The following ABTB2 variants were observed in gnomAD, a reference collection of about 807,000 sequenced individuals.
The protein encoded by ABTB2 is ankyrin repeat and BTB domain containing 2.
In ABTB2, 56 loss-of-function variants were observed where a neutral mutation model predicts 104.1. The ratio of observed to expected loss-of-function variants is 0.54; its 90% confidence interval spans 0.43 to 0.67. The LOEUF is 0.67. Ranked by LOEUF, ABTB2 falls within the 30% of genes least tolerant of loss-of-function variation. The probability of loss-of-function intolerance (pLI) is 0.00; values close to 1 mark genes in which losing one functional copy is unlikely to be tolerated. For synonymous variants in ABTB2, 606 were observed against 608.2 expected (o/e 1.00, Z 0.05); for missense variants, 1,279 against 1,407.7 (o/e 0.91, Z 1.46).
At chr11:34,331,739 G>A (rs936886290) in intron 1 of ABTB2, among the ~76,000 whole-genome samples, 1 of 152,212 alleles carries the variant, frequency 6.6e-6, no homozygotes, top group Non-Finnish European at 1.5e-5. Context: ...ATCTTTTGCA[G>A]AGCCAGAAGA....
intron 5 of ABTB2, among the ~76,000 whole-genome samples, chr11:34,168,813 G>A (rs1050738463): frequency 6.6e-6 from 1 of 152,242 alleles, no homozygotes; most frequent in Non-Finnish European, 1.5e-5. Flanking sequence ...GGCAGTTGGC[G>A]GGGCCGCCTC....
intron 1 of ABTB2, among the ~76,000 whole-genome samples, chr11:34,236,590 C>T (rs1304682628): frequency 6.6e-6 from 1 of 152,218 alleles, no homozygotes; most frequent in Non-Finnish European, 1.5e-5. Flanking sequence ...CCGGCACCCC[C>T]TCCCCTCAAT....
intron 2 of ABTB2, among the ~76,000 whole-genome samples, chr11:34,200,445 C>T (rs190222180): frequency 9.9e-5 from 15 of 152,258 alleles, no homozygotes; most frequent in African/African-American, 2.4e-4. Context: ...TGGAGGTCCC[C>T]GGCTTCTTCG....
intron 1 of ABTB2, among the ~76,000 whole-genome samples, chr11:34,246,903 A>T (rs1853992320): frequency 6.7e-6 from 1 of 148,714 alleles, no homozygotes; most frequent in South Asian, 2.1e-4. Flanking sequence ...GCTGGAGTAC[A>T]ATGGCATGAT....
At chr11:34,346,821 C>A (rs541228278) in intron 1 of ABTB2, among the ~76,000 whole-genome samples, 1 of 152,214 alleles carries the variant, frequency 6.6e-6, no homozygotes, top group Non-Finnish European at 1.5e-5. Flanking sequence ...TAGCTCTGTA[C>A]TGGATTGTTC....
At chr11:34,170,320 T>C (rs773268731) in intron 5 of ABTB2, among the ~76,000 whole-genome samples, 3 of 152,212 alleles carry the variant, frequency 2.0e-5, no homozygotes, top group South Asian at 2.1e-4. Flanking sequence ...ACATAGTAAA[T>C]GCTATATAAA....
At chr11:34,195,088 T>TGGGGGGGGGGGGGGGGGGG (rs1565137708) in intron 3 of ABTB2, among the ~76,000 whole-genome samples, 1 of 33,252 alleles carries the variant, frequency 3.0e-5, no homozygotes, top group Non-Finnish European at 7.3e-5. Flanking sequence ...GGGGGGGGAG[T>TGGGGGGGGGGGGGGGGGGG]GGGGGCGGGA....
At chr11:34,317,632 G>A (rs985444865) in intron 1 of ABTB2, among the ~76,000 whole-genome samples, 11 of 151,768 alleles carry the variant, frequency 7.2e-5, no homozygotes, top group African/African-American at 2.7e-4. Flanking sequence ...AAATTAGTCA[G>A]GTGCCTGTAG....
intron 1 of ABTB2, among the ~76,000 whole-genome samples, chr11:34,277,545 A>T (rs1467074476): frequency 6.6e-6 from 1 of 151,288 alleles, no homozygotes; most frequent in African/African-American, 2.4e-5. Context: ...GCACTTTGGG[A>T]GGCCAAGGTG....
chr11:34,343,065 G>A (rs1590264081), intron 1 of ABTB2, among the ~76,000 whole-genome samples: 1 of 152,112 alleles, frequency 6.6e-6, no homozygotes, highest in East Asian at 1.9e-4. Context: ...CGCATCCTGA[G>A]TTCAAGCAAT....
In ABTB2 at chr11:34,357,574, T is replaced by C; in HGVS notation, c.10A>G (p.Thr4Ala). 1 of 1,516,376 alleles carries C rather than the reference T, an allele frequency of 6.6e-7. No homozygotes were observed. The highest frequency in any genetic ancestry group is 8.8e-7 in the Non-Finnish European group (1 of 1,132,250). The allele number at this position is 1,516,376 out of a possible 1,614,324, so 93.9% of individuals were successfully genotyped here. Reference sequence around the variant, plus strand: ...AGCGTCTTCAGAGTCGAGCTGTACGTCCCGGCCATGGGGAGCCTGCCGAGG... The same window carrying C: ...AGCGTCTTCAGAGTCGAGCTGTACGCCCCGGCCATGGGGAGCCTGCCGAGG... MAG[T>A]YSSTLKTLED... Residue 4 changes from threonine (T) to alanine (A), a missense_variant, in exon 1 of 17, where the codon ACG becomes GCG. Physicochemically the swap from Thr to Ala is moderately conservative, Grantham distance 58. Coordinates refer to ENST00000435224, the MANE Select transcript of ABTB2 (RefSeq NM_145804.3).
chr11:34,249,828 C>G (rs542922336), intron 1 of ABTB2, among the ~76,000 whole-genome samples: 21 of 152,288 alleles, frequency 1.4e-4, no homozygotes, highest in African/African-American at 4.6e-4. Context: ...TCTTCAGCAT[C>G]CATCACTCTA....
At chr11:34,196,276 G>A (rs541511347) in intron 3 of ABTB2, among the ~76,000 whole-genome samples, 5 of 152,138 alleles carry the variant, frequency 3.3e-5, no homozygotes, top group Non-Finnish European at 7.4e-5. Flanking sequence ...TCCTAAGACC[G>A]GGCGCGGTGG....
intron 3 of ABTB2, among the ~76,000 whole-genome samples, chr11:34,192,863 C>T (rs1853197606): frequency 6.6e-6 from 1 of 152,210 alleles, no homozygotes; most frequent in African/African-American, 2.4e-5. Flanking sequence ...CCCTCTGCAC[C>T]TCTGACTGCA....
At chr11:34,269,210 C>T (rs188811756) in intron 1 of ABTB2, among the ~76,000 whole-genome samples, 3 of 152,268 alleles carry the variant, frequency 2.0e-5, no homozygotes, top group South Asian at 4.1e-4. Flanking sequence ...GTTTTACAAA[C>T]GAATGCTGTG....
intron 1 of ABTB2, among the ~76,000 whole-genome samples, chr11:34,290,052 C>T (rs1296806211): frequency 1.3e-5 from 2 of 152,178 alleles, no homozygotes; most frequent in African/African-American, 2.4e-5. Flanking sequence ...GATAAATGAC[C>T]TAGTCCCTGA....
chr11:34,346,041 T>C (rs914932223), intron 1 of ABTB2, among the ~76,000 whole-genome samples: 1 of 152,156 alleles, frequency 6.6e-6, no homozygotes, highest in Non-Finnish European at 1.5e-5. Context: ...ACATCAGGGT[T>C]CAGAGCCTGT....
At chr11:34,290,471 G>A (rs1854554987) in intron 1 of ABTB2, among the ~76,000 whole-genome samples, 1 of 152,204 alleles carries the variant, frequency 6.6e-6, no homozygotes, top group East Asian at 1.9e-4. Context: ...GAAGATAGCA[G>A]ATTGTTTAAG....
chr11:34,246,847 C>CTTT (rs199831054), intron 1 of ABTB2, among the ~76,000 whole-genome samples: 117 of 118,286 alleles, frequency 9.9e-4, no homozygotes, highest in African/African-American at 3.6e-3. Flanking sequence ...TTTCTTTTTT[C>CTTT]TTTTTTTTTT....
Sources: allele counts gnomAD v4.1 joint callset (sites outside exome capture counted in the v4.1 genomes callset), GRCh38; gene constraint gnomAD v4.1.1; transcripts MANE v1.5; gene names NCBI Gene and HGNC (gene_info 2026-07-23, HGNC 2026-07-21).